Variants in ACOXL observed in about 807,000 individuals in gnomAD.
ACOXL encodes acyl-coenzyme A oxidase-like protein.
In ACOXL, 70 loss-of-function variants were observed where a neutral mutation model predicts 71.9. The observed-to-expected ratio is 0.97, with a 90% CI of 0.80 to 1.19. The LOEUF (loss-of-function observed/expected upper bound fraction) is 1.19. ACOXL is among the 50% of genes most tolerant of loss of function. The pLI is 0.00. For synonymous variants in ACOXL, 253 were observed against 281.6 expected, an observed-to-expected ratio of 0.90 and a Z score of 1.02; for missense variants, 703 against 736.3, an observed-to-expected ratio of 0.95 and a Z score of 0.52.
rs563730210 is a variant in ACOXL at position 110,832,936 on chromosome 2, GT to G, written c.754-8434del. Among the ~76,000 whole-genome samples, 672 of 152,338 alleles carry G rather than the reference GT, an allele frequency of 4.4e-3. 1 individual carries two copies. The highest frequency in any genetic ancestry group is 6.5e-3 in the Non-Finnish European group (443 of 68,026). On this transcript the variant is annotated intron_variant, in intron 9 of 17. Transcript: ENST00000439055. ...TATAAAGTGATAGCGCCAAATGCTG[GT>G]GAGGATGTAGAAAAACAGCATCACT...
In ACOXL at chr2:110,933,503, T is replaced by G; in HGVS notation, c.920T>G (p.Leu307Arg). Residue 307 changes from leucine to arginine, a missense_variant, in exon 12 of 18, where the codon CTC becomes CGC. Transcript: ENST00000439055. ...TTGTCCTGCAGGTATGCTGGGGCCC[T>G]CCTGGATGAGGATGTCTTCCAGGGA... ...LTFVSRYAGA[L>R]LDEDVFQGKE... 1 of 1,614,078 alleles carries G rather than the reference T, an allele frequency of 6.2e-7. No individual in the cohort carries two copies. Among genetic ancestry groups the G allele is most frequent in the East Asian group, 2.2e-5 (1 of 44,884 alleles).
chr2:110,947,706 C>T (rs1189622826), intron 12 of ACOXL, among the ~76,000 whole-genome samples: 1 of 152,198 alleles, frequency 6.6e-6, no homozygotes, highest in African/African-American at 2.4e-5. Context: ...AGAAAGCCAT[C>T]TTCTCGGCCA....
chr2:110,986,379 T>G (rs2062932849), intron 12 of ACOXL, among the ~76,000 whole-genome samples: 1 of 152,224 alleles, frequency 6.6e-6, no homozygotes, highest in Non-Finnish European at 1.5e-5. Flanking sequence ...AACAATTTGT[T>G]AGCTCATGAT....
chr2:110,879,689 C>T (rs1420252281), intron 10 of ACOXL, among the ~76,000 whole-genome samples: 1 of 152,098 alleles, frequency 6.6e-6, no homozygotes, highest in Non-Finnish European at 1.5e-5. Context: ...GTGTGAGGTG[C>T]ATGTCTGGAG....
chr2:111,070,983 A>C (rs1440810645), intron 16 of ACOXL, among the ~76,000 whole-genome samples: 1 of 152,184 alleles, frequency 6.6e-6, no homozygotes, highest in Admixed American at 6.5e-5. Context: ...ATGGTGGTGA[A>C]GAGAGCCATC....
intron 1 of ACOXL, among the ~76,000 whole-genome samples, chr2:110,744,829 G>A (rs546796305): frequency 6.6e-6 from 1 of 152,302 alleles, no homozygotes; most frequent in East Asian, 1.9e-4. Context: ...TCTCATCTTG[G>A]AGAGGGTGGA....
chr2:111,059,310 T>C (rs2066693523), intron 16 of ACOXL, among the ~76,000 whole-genome samples: 1 of 152,234 alleles, frequency 6.6e-6, no homozygotes, highest in African/African-American at 2.4e-5. Flanking sequence ...CCTGAAAACC[T>C]TGCCTGATGG....
chr2:111,083,448 G>A (rs1327347100), intron 16 of ACOXL, among the ~76,000 whole-genome samples: 1 of 152,110 alleles, frequency 6.6e-6, no homozygotes, highest in African/African-American at 2.4e-5. Flanking sequence ...ACTTCCAATT[G>A]TCCACTCCCA....
intron 13 of ACOXL, among the ~76,000 whole-genome samples, chr2:110,994,347 G>A (rs1036869781): frequency 6.6e-6 from 1 of 152,116 alleles, no homozygotes; most frequent in African/African-American, 2.4e-5. Flanking sequence ...CTAAATGGAG[G>A]GTGATTATTA....
chr2:110,932,058 C>T (rs185844741), intron 11 of ACOXL, among the ~76,000 whole-genome samples: 3 of 152,254 alleles, frequency 2.0e-5, no homozygotes, highest in Non-Finnish European at 2.9e-5. Flanking sequence ...TAAATGAATG[C>T]GGTGAGTACA....
At chr2:110,905,049 A>G (rs1332198919) in intron 10 of ACOXL, among the ~76,000 whole-genome samples, 1 of 152,130 alleles carries the variant, frequency 6.6e-6, no homozygotes, top group Non-Finnish European at 1.5e-5. Flanking sequence ...CAGATGTCCA[A>G]GCATCAGAGG....
At chr2:110,998,445 C>T (rs6542250) in intron 14 of ACOXL, among the ~76,000 whole-genome samples, 55,460 of 152,036 alleles carry the variant, frequency 0.36, 10,853 homozygotes, top group African/African-American at 0.5. Flanking sequence ...CACTCCAGTG[C>T]GGCTCCTTTA....
At chr2:110,740,978 A>G (rs1339953431) in intron 1 of ACOXL, among the ~76,000 whole-genome samples, 2 of 152,150 alleles carry the variant, frequency 1.3e-5, no homozygotes, top group Non-Finnish European at 2.9e-5. Flanking sequence ...GTTGGAGGGG[A>G]TCTTGCCCTT....
intron 2 of ACOXL, among the ~76,000 whole-genome samples, chr2:110,774,969 C>T (rs927043477): frequency 3.3e-5 from 5 of 152,114 alleles, no homozygotes; most frequent in Admixed American, 6.5e-5. Flanking sequence ...TAAAGACAGG[C>T]GTAGAGACCA....
chr2:111,109,319 T>C (rs1041380009), intron 17 of ACOXL, among the ~76,000 whole-genome samples: 1 of 152,240 alleles, frequency 6.6e-6, no homozygotes, highest in African/African-American at 2.4e-5. Context: ...TTATATCAAA[T>C]TTAGAAACAT....
At chr2:111,086,914 C>T (rs181467753) in intron 16 of ACOXL, among the ~76,000 whole-genome samples, 9 of 152,298 alleles carry the variant, frequency 5.9e-5, no homozygotes, top group African/African-American at 2.2e-4. Context: ...CCTATGGTCT[C>T]TACCCAAAAG....
intron 9 of ACOXL, among the ~76,000 whole-genome samples, chr2:110,836,852 G>A (rs1310866352): frequency 6.6e-6 from 1 of 152,246 alleles, no homozygotes; most frequent in East Asian, 1.9e-4. Flanking sequence ...ATTCAGATCT[G>A]CAGACCCGGG....
At chr2:110,763,498 C>T (rs1453858102) in intron 1 of ACOXL, among the ~76,000 whole-genome samples, 1 of 152,158 alleles carries the variant, frequency 6.6e-6, no homozygotes, top group African/African-American at 2.4e-5. Context: ...CCCCCACCCC[C>T]ACATAAATCT....
intron 12 of ACOXL, among the ~76,000 whole-genome samples, chr2:110,985,107 T>A (rs898872534): frequency 2.2e-4 from 34 of 152,216 alleles, no homozygotes; most frequent in African/African-American, 8.2e-4. Context: ...ATTTTATAGA[T>A]TAGCAAAAAC....
Sources: gnomAD v4.1 joint callset for allele counts (sites outside exome capture counted in the v4.1 genomes callset) on GRCh38, gnomAD v4.1.1 for gene constraint, MANE v1.5 for transcripts, NCBI Gene and HGNC (gene_info 2026-07-23, HGNC 2026-07-21) for gene names.